The following PIGR variants were observed in gnomAD, a reference collection of about 807,000 sequenced individuals.
PIGR encodes hepatocellular carcinoma associated protein TB6.
A neutral mutation model predicts 69.5 loss-of-function variants in PIGR; 22 were observed. The observed-to-expected ratio is 0.32, with a 90% CI of 0.23 to 0.45. The LOEUF (loss-of-function observed/expected upper bound fraction) is 0.45, where lower values mean the gene tolerates loss of function less well. Ranked by LOEUF, PIGR falls within the 20% of genes least tolerant of loss-of-function variation. The pLI is 1.00. For missense variants in PIGR, 885 were observed against 974.0 expected (o/e 0.91, Z 1.22); for synonymous variants, 413 against 407.6 (o/e 1.01, Z -0.16).
chr1:206,938,001 A>G (rs1679901353), intron 3 of PIGR, among the ~76,000 whole-genome samples: 1 of 152,064 alleles, frequency 6.6e-6, no homozygotes, highest in South Asian at 2.1e-4. Context: ...ATTACATCCA[A>G]TCTGGTGTAT....
At chr1:206,939,586 A>G (rs567044995) in intron 2 of PIGR, 123 bp from the exon 3 acceptor site, 13 of 610,180 alleles carry the variant, frequency 2.1e-5, no homozygotes, top group Middle Eastern at 2.9e-4. Context: ...ATAATTTATC[A>G]TATATCACAG....
At chr1:206,933,239 G>C (rs1365541537) in intron 6 of PIGR, 73 bp from the exon 7 acceptor site, 1 of 1,468,908 alleles carries the variant, frequency 6.8e-7, no homozygotes, top group Non-Finnish European at 9.3e-7. Flanking sequence ...AAGGAGTCTG[G>C]GGGAGACTTC....
intron 8 of PIGR, 31 bp downstream of exon 8, chr1:206,932,425 G>T: frequency 1.3e-6 from 2 of 1,590,700 alleles, no homozygotes; most frequent in Admixed American, 3.5e-5. Flanking sequence ...CGGGTTGGAG[G>T]TGGGAGGCAG....
chr1:206,937,371 A>G lies in PIGR; in HGVS notation c.769T>C (p.Cys257Arg), dbSNP rs763274578. 2.5e-6 allele frequency: 4 copies of G among 1,613,914 alleles called. No homozygotes were observed. Among genetic ancestry groups the G allele is most frequent in the Non-Finnish European group, 3.4e-6 (4 of 1,179,832 alleles). The change falls in exon 4 of 11, where the codon TGT (cysteine) becomes CGT (arginine). Residue 257 changes from cysteine to arginine, a missense_variant. Cys to Arg is a radical substitution (Grantham distance 180). Transcript: ENST00000356495. Reference sequence around the variant, plus strand: ...TTTGCCACCTCAGGGCCCAGGGCACAGTGGAAGGTCACTGAGCCCCTCAGG... The same window carrying G: ...TTTGCCACCTCAGGGCCCAGGGCACGGTGGAAGGTCACTGAGCCCCTCAGG... ...EDLRGSVTFH[C>R]ALGPEVANVA... is the part of the protein sequence containing the mutation.
chr1:206,931,187 C>A (rs1679738675), intron 10 of PIGR: 1 of 985,362 alleles, frequency 1.0e-6, no homozygotes, highest in Non-Finnish European at 1.2e-6. Flanking sequence ...TAATCACCAG[C>A]ATTTGGCATT....
At position 206,940,475 on chromosome 1, in the gene PIGR, C is replaced by T. The variant is rs1261931457; in HGVS notation, c.43+14G>A. On this transcript the variant is annotated intron_variant, in intron 2 of 10. Coordinates refer to ENST00000356495, the MANE Select transcript of PIGR (RefSeq NM_002644.4). ...AGGGGTGGAGCTTGGAGAGTTGGGGCCTGGCAGACACACCTGGGAAGACCG... is the reference window on the plus strand; with the variant it reads ...AGGGGTGGAGCTTGGAGAGTTGGGGTCTGGCAGACACACCTGGGAAGACCG... 6.4e-7 allele frequency: 1 copy of T among 1,551,244 alleles called. No homozygotes were observed. Among genetic ancestry groups the T allele is most frequent in the African/African-American group, 1.4e-5 (1 of 73,144 alleles).
chr1:206,940,589 A>G lies in PIGR; in HGVS notation c.-53-5T>C. The G allele has an allele frequency of 6.7e-7, 1 of 1,497,814 alleles. No homozygotes were observed. The highest frequency in any genetic ancestry group is 1.3e-5 in the South Asian group (1 of 79,236). The allele number at this position is 1,497,814 out of a possible 1,614,324, so 92.8% of individuals were successfully genotyped here. Reference sequence around the variant, plus strand: ...GCCGACTTCTCCTGTGCAATGCTGAAAAACAATAATCACAAGGAGATGAAG... The same window carrying G: ...GCCGACTTCTCCTGTGCAATGCTGAGAAACAATAATCACAAGGAGATGAAG... On this transcript the variant is annotated splice_polypyrimidine_tract_variant and splice_region_variant and intron_variant, in intron 1 of 10. Transcript: ENST00000356495.
intron 7 of PIGR, among the ~76,000 whole-genome samples, 164 bp from the exon 8 acceptor site, chr1:206,932,741 A>T (rs1007555000): frequency 2.6e-5 from 4 of 152,184 alleles, no homozygotes; most frequent in Non-Finnish European, 4.4e-5. Context: ...CCAGACTGGC[A>T]AAGGCACGCA....
chr1:206,930,491 T>C lies in PIGR; in HGVS notation c.2200-78A>G. The C allele has an allele frequency of 1.3e-6, 2 of 1,503,490 alleles. No homozygotes were observed. Among genetic ancestry groups the C allele is most frequent in the Non-Finnish European group, 1.8e-6 (2 of 1,125,158 alleles). The allele number at this position is 1,503,490 out of a possible 1,614,324, so 93.1% of individuals were successfully genotyped here. A position where few individuals can be genotyped will look rare whatever the true frequency, so the allele number is the denominator to read the frequency against. ...GAGTCAGGGGAGGGGAGGTGCTTAA[T>C]GTCCTGAATTCGTGATCTTGGTCCA... On this transcript the variant is annotated intron_variant, in intron 10 of 10. Coordinates refer to ENST00000356495, the MANE Select transcript of PIGR (RefSeq NM_002644.4). This position sits in a 1 kb window ranked among gnomAD's most constrained non-coding sequence, Gnocchi z 4.3.
At position 206,935,506 on chromosome 1, in the gene PIGR, A is replaced by G. The variant is rs1437397950; in HGVS notation, c.1358T>C (p.Val453Ala). ...CCTACCTTCGATAATCTTGATCTCC[A>G]CGGTGGTCCTCCAGAGAGTATCGCC... is the stretch of plus-strand genomic sequence containing the variant. Reference protein sequence around the residue: ...TNGDTLWRTTVEIKIIEGEPN... With the variant: ...TNGDTLWRTTAEIKIIEGEPN... Residue 453 changes from valine to alanine, a missense_variant, in exon 5 of 11, where the codon GTG becomes GCG. By Grantham distance (64) the Val-to-Ala change is moderately conservative (BLOSUM62 0). Transcript: ENST00000356495. This position sits in a 1 kb window ranked among gnomAD's most constrained non-coding sequence, Gnocchi z 4.4. The G allele has an allele frequency of 6.2e-7, 1 of 1,613,398 alleles. No homozygotes were observed. The highest frequency in any genetic ancestry group is 1.7e-5 in the Admixed American group (1 of 60,008).
At position 206,935,743 on chromosome 1, in the gene PIGR, T is replaced by A; in HGVS notation, c.1121A>T (p.Asn374Ile). ...CTTGATGCTTTTGCTTTCCTTACGGTTGTAGGGGCAGAGCACGGCCACAGA... is the reference window on the plus strand; with the variant it reads ...CTTGATGCTTTTGCTTTCCTTACGGATGTAGGGGCAGAGCACGGCCACAGA... ...GGSVAVLCPY[N>I]RKESKSIKYW... The change falls in exon 5 of 11, where the codon AAC becomes ATC. Residue 374 changes from asparagine to isoleucine, a missense_variant. Transcript: ENST00000356495. The surrounding 1 kb of genome is among the most constrained non-coding windows in gnomAD (Gnocchi z 4.4). 2.5e-6 allele frequency: 4 copies of A among 1,613,858 alleles called. No individual in the cohort carries two copies. Among genetic ancestry groups the A allele is most frequent in the Non-Finnish European group, 3.4e-6 (4 of 1,179,888 alleles).
chr1:206,932,928 C>G (rs903368430), intron 7 of PIGR, 58 bp downstream of exon 7: 9 of 1,565,220 alleles, frequency 5.7e-6, no homozygotes, highest in Non-Finnish European at 6.1e-6. Context: ...GGTGGCCCAG[C>G]CTCAGGTGCT....
rs764503049 is a variant in PIGR, at chr1:206,935,600, C to G, written c.1264G>C (p.Gly422Arg). Residue 422 changes from glycine to arginine, a missense_variant, in exon 5 of 11, where the codon GGC becomes CGC. Transcript: ENST00000356495. The surrounding 1 kb of genome is among the most constrained non-coding windows in gnomAD (Gnocchi z 4.4). The part of the protein sequence containing the change: ...RLSLLEEPGN[G>R]TFTVILNQLT... ...TGGTTGAGGATGACAGTGAAGGTGCCGTTGCCTGGCTCCTCCAGCAGGGAG... is the reference window on the plus strand; with the variant it reads ...TGGTTGAGGATGACAGTGAAGGTGCGGTTGCCTGGCTCCTCCAGCAGGGAG... The G allele has an allele frequency of 5.0e-6, 8 of 1,614,098 alleles. No individual in the cohort carries two copies. The highest frequency in any genetic ancestry group is 4.0e-5 in the African/African-American group (3 of 74,936).
intron 1 of PIGR, among the ~76,000 whole-genome samples, chr1:206,941,563 TTC>T (rs1679987168): frequency 6.6e-6 from 1 of 152,394 alleles, no homozygotes; most frequent in Admixed American, 6.5e-5. Context: ...GGCTTACGTT[TTC>T]CCAGCAACTT....
Position 206,940,560 on chromosome 1 carries a change from T to G in PIGR, c.-29A>C. On this transcript the variant is annotated 5_prime_UTR_variant, in exon 2 of 11. Transcript: ENST00000356495. The stretch of plus-strand genomic sequence containing the variant: ...TGGTGGGTCCCGAGCGCCGCACCAC[T>G]CAGGCCGACTTCTCCTGTGCAATGC... 6.5e-7 allele frequency: 1 copy of G among 1,546,912 alleles called. No individual in the cohort carries two copies. The highest frequency in any genetic ancestry group is 8.7e-7 in the Non-Finnish European group (1 of 1,144,756).
chr1:206,936,285 T>A (rs1261777246), intron 4 of PIGR, among the ~76,000 whole-genome samples: 1 of 152,186 alleles, frequency 6.6e-6, no homozygotes, highest in Non-Finnish European at 1.5e-5. Flanking sequence ...AGCTTAATTG[T>A]TGGGGCCCCA....
Position 206,930,443 on chromosome 1 carries a change from TG to T in PIGR, c.2200-31del. ...GGGGCAAGAGGAGAGGCATCAGTGTTGGGGGCACTGGCTCAGTGGGTGGAGT... is the reference window on the plus strand; with the variant it reads ...GGGGCAAGAGGAGAGGCATCAGTGTTGGGGCACTGGCTCAGTGGGTGGAGT... On this transcript the variant is annotated intron_variant, in intron 10 of 10. Transcript: ENST00000356495. This position sits in a 1 kb window ranked among gnomAD's most constrained non-coding sequence, Gnocchi z 4.3. 6.2e-7 allele frequency: 1 copy of T among 1,603,496 alleles called. No homozygotes were observed.
chr1:206,933,563 G>T (rs1053377368), intron 6 of PIGR, among the ~76,000 whole-genome samples: 3 of 152,166 alleles, frequency 2.0e-5, no homozygotes, highest in Non-Finnish European at 2.9e-5. Context: ...AGTCCCATCC[G>T]CAGGGTCCAG....
rs141866478 is a variant in PIGR at position 206,934,162 on chromosome 1, G to T, written c.1705+258C>A. 2.1e-3 allele frequency among the ~76,000 whole-genome samples: 325 copies of T among 152,222 alleles called. 2 individuals are homozygous for T. The highest frequency in any genetic ancestry group is 7.2e-3 in the African/African-American group (301 of 41,532). On this transcript the variant is annotated intron_variant, in intron 6 of 10. Coordinates refer to ENST00000356495, the MANE Select transcript of PIGR (RefSeq NM_002644.4). ...CAGGTGTGAGCCACCACATTCAGCT[G>T]GGAGTTGTCTTAATGCCGAGGTTAA...
Sources: allele counts gnomAD v4.1 joint callset (sites outside exome capture counted in the v4.1 genomes callset), GRCh38; gene constraint gnomAD v4.1.1; non-coding constraint Gnocchi (gnomAD v3.1); transcripts MANE v1.5; gene names NCBI Gene and HGNC (gene_info 2026-07-23, HGNC 2026-07-21).